PIP5K1B: variants seen among roughly 807,000 people sequenced by gnomAD.
The protein encoded by PIP5K1B is phosphatidylinositol-4-phosphate 5-kinase type 1 beta, also known as phosphatidylinositol 4-phosphate 5-kinase type-1 beta.
PIP5K1B carries 42 observed loss-of-function variants against 67.0 expected under a neutral mutation model. The ratio of observed to expected loss-of-function variants is 0.63; its 90% CI spans 0.49 to 0.81. The LOEUF (loss-of-function observed/expected upper bound fraction) is 0.81, where lower values mean the gene tolerates loss of function less well. PIP5K1B is among the 30% of genes least tolerant of loss of function. The pLI is 0.00. For synonymous variants in PIP5K1B, 214 were observed against 231.4 expected, an observed-to-expected ratio of 0.92 and a Z score of 0.68; for missense variants, 459 against 646.3, an observed-to-expected ratio of 0.71 and a Z score of 3.14.
At chr9:68,733,810 T>G (rs940000013) in intron 1 of PIP5K1B, among the ~76,000 whole-genome samples, 1 of 152,044 alleles carries the variant, frequency 6.6e-6, no homozygotes, top group Non-Finnish European at 1.5e-5. Flanking sequence ...CAGCTAATTT[T>G]TGTATTTTTA....
chr9:68,866,995 G>T (rs1346746965), intron 5 of PIP5K1B, among the ~76,000 whole-genome samples: 1 of 152,170 alleles, frequency 6.6e-6, no homozygotes, highest in Non-Finnish European at 1.5e-5. Context: ...CTGGGTCCTA[G>T]CATGGCTCTG....
chr9:68,887,979 CTTT>C (rs71353088), intron 6 of PIP5K1B, among the ~76,000 whole-genome samples: 10 of 107,154 alleles, frequency 9.3e-5, no homozygotes, highest in East Asian at 2.5e-4. Flanking sequence ...GGAATCCAGC[CTTT>C]TTTTTTTTTT....
chr9:68,722,674 T>G (rs1431121417), intron 1 of PIP5K1B, among the ~76,000 whole-genome samples: 1 of 150,952 alleles, frequency 6.6e-6, no homozygotes, highest in African/African-American at 2.4e-5. Context: ...TTATTTATTA[T>G]TAGTATATCA....
At chr9:68,916,365 A>G (rs1490913838) in intron 8 of PIP5K1B, among the ~76,000 whole-genome samples, 1 of 152,152 alleles carries the variant, frequency 6.6e-6, no homozygotes, top group Non-Finnish European at 1.5e-5. Flanking sequence ...CTATACCCTG[A>G]AGCCATCTCA....
intron 4 of PIP5K1B, chr9:68,824,259 C>A (rs1361183033): frequency 1.9e-6 from 1 of 518,530 alleles, no homozygotes; most frequent in African/African-American, 1.9e-5. Context: ...AAATTCTTGA[C>A]CAAATTCTGA....
chr9:68,789,032 T>C, intron 2 of PIP5K1B: 1 of 437,658 alleles, frequency 2.3e-6, no homozygotes. Flanking sequence ...CCAATCAGCT[T>C]GATACAGCAT....
intron 2 of PIP5K1B, among the ~76,000 whole-genome samples, chr9:68,785,468 T>C (rs1225699674): frequency 6.6e-6 from 1 of 152,228 alleles, no homozygotes; most frequent in Non-Finnish European, 1.5e-5. Flanking sequence ...CAGAGTTCTT[T>C]GTGGCTTCTG....
At chr9:68,826,305 A>T (rs149869793) in intron 4 of PIP5K1B, among the ~76,000 whole-genome samples, 81 of 152,268 alleles carry the variant, frequency 5.3e-4, no homozygotes, top group South Asian at 3.3e-3. Context: ...AAACGAGGGG[A>T]CCATGGTAAA....
At chr9:68,738,089 T>C (rs1828827294) in intron 1 of PIP5K1B, among the ~76,000 whole-genome samples, 1 of 152,218 alleles carries the variant, frequency 6.6e-6, no homozygotes, top group Non-Finnish European at 1.5e-5. Flanking sequence ...GGCAGGTATT[T>C]AGGGTTTTCT....
intron 15 of PIP5K1B, among the ~76,000 whole-genome samples, chr9:69,003,186 G>A (rs1830900662): frequency 6.6e-6 from 1 of 151,812 alleles, no homozygotes; most frequent in Admixed American, 6.6e-5. Flanking sequence ...GGCAACGAGA[G>A]GAACATCAGA....
intron 2 of PIP5K1B, among the ~76,000 whole-genome samples, chr9:68,768,220 T>C (rs1564119465): frequency 6.6e-6 from 1 of 152,146 alleles, no homozygotes; most frequent in Non-Finnish European, 1.5e-5. Context: ...ATCAGTAAGA[T>C]GGATGGCTAG....
At chr9:68,739,713 C>A (rs891127315) in intron 1 of PIP5K1B, 1 of 152,234 alleles carries the variant, frequency 6.6e-6, no homozygotes, top group Non-Finnish European at 1.5e-5. Context: ...AGCATTTTCA[C>A]GCTTTCAGTG....
At chr9:68,755,304 G>GCC (rs1197876964) in intron 2 of PIP5K1B, among the ~76,000 whole-genome samples, 16 of 152,154 alleles carry the variant, frequency 1.1e-4, no homozygotes, top group Non-Finnish European at 2.1e-4. Flanking sequence ...TTTTTGGATA[G>GCC]CACCATGGCA....
At chr9:68,945,705 C>T (rs1382210057) in intron 14 of PIP5K1B, among the ~76,000 whole-genome samples, 1 of 152,188 alleles carries the variant, frequency 6.6e-6, no homozygotes, top group Admixed American at 6.5e-5. Flanking sequence ...CCATCTTACA[C>T]ATGAGGAAAT....
intron 14 of PIP5K1B, among the ~76,000 whole-genome samples, chr9:68,978,852 T>G (rs1166294776): frequency 6.6e-6 from 1 of 152,196 alleles, no homozygotes; most frequent in East Asian, 1.9e-4. Context: ...CTTCTGCCCC[T>G]TCTTAGACGT....
intron 14 of PIP5K1B, among the ~76,000 whole-genome samples, chr9:68,980,749 T>G (rs12349975): frequency 0.016 from 2,404 of 152,320 alleles, 56 homozygotes; most frequent in African/African-American, 0.052. Context: ...TCAAGGCCTC[T>G]GCCCTTCGCC....
At chr9:68,820,530 G>A (rs962736464) in intron 3 of PIP5K1B, among the ~76,000 whole-genome samples, 5 of 152,078 alleles carry the variant, frequency 3.3e-5, no homozygotes, top group African/African-American at 1.2e-4. Flanking sequence ...GTCATATCAA[G>A]CTCATGGCAG....
At chr9:68,848,385 A>G (rs900748662) in intron 4 of PIP5K1B, among the ~76,000 whole-genome samples, 1 of 152,176 alleles carries the variant, frequency 6.6e-6, no homozygotes, top group African/African-American at 2.4e-5. Context: ...GGCAGGCACA[A>G]TTGCAGTTTC....
chr9:68,815,785 A>G (rs1351915964), intron 2 of PIP5K1B, among the ~76,000 whole-genome samples: 1 of 152,132 alleles, frequency 6.6e-6, no homozygotes, highest in Non-Finnish European at 1.5e-5. Flanking sequence ...GAAGATTAAG[A>G]AATCAAATCA....
Sources: allele counts gnomAD v4.1 joint callset (sites outside exome capture counted in the v4.1 genomes callset), GRCh38; gene constraint gnomAD v4.1.1; transcripts MANE v1.5; gene names NCBI Gene and HGNC (gene_info 2026-07-23, HGNC 2026-07-21).